L3HYPDH: variants seen among roughly 807,000 people sequenced by gnomAD.
L3HYPDH encodes trans-3-hydroxy-L-proline dehydratase.
A neutral mutation model predicts 26.5 loss-of-function variants in L3HYPDH; 32 were observed. The observed-to-expected ratio is 1.21, with a 90% CI of 0.91 to 1.62. The LOEUF (loss-of-function observed/expected upper bound fraction) is 1.62. Among genes scored for constraint, L3HYPDH ranks in the 40% most tolerant of loss-of-function variants. L3HYPDH has a pLI of 0.00. For synonymous variants in L3HYPDH, 215 were observed against 196.6 expected (o/e 1.09, Z -0.78); for missense variants, 554 against 476.4 (o/e 1.16, Z -1.52).
intron 1 of L3HYPDH, among the ~76,000 whole-genome samples, chr14:59,482,614 C>A (rs1890103357): frequency 6.6e-6 from 1 of 152,162 alleles, no homozygotes; most frequent in Admixed American, 6.5e-5. Context: ...AGTGGCCTCC[C>A]AGTCTGGAAG....
Position 59,475,865 on chromosome 14 carries a change from T to C in L3HYPDH, c.939+4A>G, listed in dbSNP as rs760010202. 33 of 1,610,390 alleles carry C rather than the reference T, an allele frequency of 2.0e-5. No homozygotes were observed. The highest frequency in any genetic ancestry group is 2.5e-6 in the Non-Finnish European group (3 of 1,179,008). On this transcript the variant is annotated splice_donor_region_variant and intron_variant, in intron 4 of 4. Coordinates refer to ENST00000247194, the MANE Select transcript of L3HYPDH (RefSeq NM_144581.2). ...ATAAATAAGAAGCTAAGGGTGCCAC[T>C]TACCCTCACAGCTTTCCCTGTGAAT...
At position 59,484,287 on chromosome 14, in the gene L3HYPDH, C is replaced by A; in HGVS notation, c.30G>T (p.Leu10=). 6.3e-7 allele frequency: 1 copy of A among 1,592,886 alleles called. No homozygotes were observed. Among genetic ancestry groups the A allele is most frequent in the Non-Finnish European group, 8.5e-7 (1 of 1,176,974 alleles). The part of the protein sequence containing the change: MESALAVPR[L]PPHDPGTPVL... ...CCGGCGTCCCTGGATCATGCGGGGG[C>A]AGCCGGGGCACCGCCAGCGCGCTCT... Residue 10 remains leucine (L), a synonymous_variant, in exon 1 of 5, where the codon CTG becomes CTT. Coordinates refer to ENST00000247194, the MANE Select transcript of L3HYPDH (RefSeq NM_144581.2).
At chr14:59,477,801 ATAAT>A (rs1889740168) in intron 2 of L3HYPDH, among the ~76,000 whole-genome samples, 2 of 152,316 alleles carry the variant, frequency 1.3e-5, no homozygotes, top group East Asian at 3.9e-4. Context: ...TCAGAAAATG[ATAAT>A]TATTCGTACA....
At chr14:59,475,491 A>C (rs768481431) in intron 4 of L3HYPDH, among the ~76,000 whole-genome samples, 1 of 152,216 alleles carries the variant, frequency 6.6e-6, no homozygotes. Context: ...AACCTGTTTC[A>C]TGTCTGGCTT....
the L3HYPDH span, chr14:59,504,412 C>G: frequency 1.3e-5 from 3 of 228,172 alleles, no homozygotes; most frequent in Non-Finnish European, 8.6e-6. Flanking sequence ...AGCTTTAACA[C>G]GTGTAATCTG....
At chr14:59,505,117 G>A in the L3HYPDH span, 9 of 458,598 alleles carry the variant, frequency 2.0e-5, no homozygotes, top group African/African-American at 7.9e-5. Flanking sequence ...TGGAGGTTGT[G>A]TGAATTAGTT....
At chr14:59,478,573 A>C (rs577299980) in intron 2 of L3HYPDH, among the ~76,000 whole-genome samples, 1 of 152,382 alleles carries the variant, frequency 6.6e-6, no homozygotes, top group South Asian at 2.1e-4. Context: ...TGACAGAGCA[A>C]GACCCTGTCT....
At chr14:59,493,142 A>G in the L3HYPDH span, among the ~76,000 whole-genome samples, 30 of 152,344 alleles carry the variant, frequency 2.0e-4, no homozygotes, top group South Asian at 6.2e-3. Flanking sequence ...CAGGTTTTAC[A>G]AAAATAATGA....
At chr14:59,496,173 T>G in the L3HYPDH span, among the ~76,000 whole-genome samples, 1 of 152,300 alleles carries the variant, frequency 6.6e-6, no homozygotes, top group African/African-American at 2.4e-5. Context: ...CCCAAAGTGA[T>G]GGGATTACAG....
intron 1 of L3HYPDH, chr14:59,483,452 A>T: frequency 8.9e-7 from 1 of 1,126,384 alleles, no homozygotes; most frequent in Non-Finnish European, 1.1e-6. Flanking sequence ...ACCCTGGTAC[A>T]TTGGCTGTTC....
the L3HYPDH span, among the ~76,000 whole-genome samples, chr14:59,492,976 CT>C: frequency 1.3e-5 from 2 of 150,926 alleles, no homozygotes; most frequent in Non-Finnish European, 3.0e-5. Flanking sequence ...TTTTTTGTAT[CT>C]TTAGTAGAGA....
the L3HYPDH span, among the ~76,000 whole-genome samples, chr14:59,491,373 C>T: frequency 6.6e-6 from 1 of 152,134 alleles, no homozygotes; most frequent in African/African-American, 2.4e-5. Flanking sequence ...AATTGTATTT[C>T]ATTTTGTAAA....
chr14:59,468,408 T>G (rs1889243786), downstream of L3HYPDH, among the ~76,000 whole-genome samples: 1 of 152,184 alleles, frequency 6.6e-6, no homozygotes, highest in Admixed American at 6.5e-5. Context: ...ACCTTCCATC[T>G]TAGGGTGTTT....
chr14:59,503,808 C>G, the L3HYPDH span: 1 of 1,188,022 alleles, frequency 8.4e-7, no homozygotes, highest in Non-Finnish European at 1.2e-6. Context: ...CTGACTTAGC[C>G]TGATAATCTG....
Position 59,483,939 on chromosome 14 carries a change from C to T in L3HYPDH, c.378G>A (p.Ala126=). The change falls in exon 1 of 5, where the codon GCG becomes GCA. Residue 126 remains alanine, a synonymous_variant. Transcript: ENST00000247194. ...TATTGACGCGGGCCTCGCGGGTGCC[C>T]GCAGGGGGCGCCGGCACAAGCCCGA... ...LDFGLVPAPP[A]GTREARVNIH... The T allele has an allele frequency of 6.4e-7, 1 of 1,555,186 alleles. No individual in the cohort carries two copies. The highest frequency in any genetic ancestry group is 1.2e-5 in the South Asian group (1 of 85,974).
chr14:59,484,523 C>G (rs1380599990), upstream of L3HYPDH: 9 of 1,550,124 alleles, frequency 5.8e-6, no homozygotes, highest in Non-Finnish European at 7.9e-6. Context: ...CGCTGTGGCC[C>G]GGATGTTCGG....
the L3HYPDH span, chr14:59,501,006 A>G: frequency 6.8e-5 from 37 of 540,692 alleles, no homozygotes; most frequent in Non-Finnish European, 1.1e-4. Flanking sequence ...GGCTGAAACT[A>G]TTTACTATCT....
intron 1 of L3HYPDH, among the ~76,000 whole-genome samples, chr14:59,480,761 T>C (rs1280494854): frequency 1.3e-5 from 2 of 152,186 alleles, no homozygotes; most frequent in Non-Finnish European, 2.9e-5. Context: ...GAGTAAAACA[T>C]GCTGTGGATT....
intron 1 of L3HYPDH, among the ~76,000 whole-genome samples, chr14:59,479,654 C>T (rs1053547555): frequency 6.6e-6 from 1 of 152,198 alleles, no homozygotes; most frequent in African/African-American, 2.4e-5. Context: ...CCCCTGAGGC[C>T]GAGAGAGGGA....
Sources: allele counts gnomAD v4.1 joint callset (sites outside exome capture counted in the v4.1 genomes callset), GRCh38; gene constraint gnomAD v4.1.1; transcripts MANE v1.5; gene names NCBI Gene and HGNC (gene_info 2026-07-23, HGNC 2026-07-21).